Variants in PEF1 observed in about 807,000 individuals in gnomAD.
The protein encoded by PEF1 is penta-EF-hand domain containing 1.
Under a neutral mutation model 32.0 loss-of-function variants are expected in PEF1, and 17 were observed. The ratio of observed to expected loss-of-function variants is 0.53; its 90% confidence interval spans 0.36 to 0.80. The LOEUF (loss-of-function observed/expected upper bound fraction) is 0.80. Ranked by LOEUF, PEF1 falls within the 30% of genes least tolerant of loss-of-function variation. The pLI, the probability that PEF1 is intolerant of heterozygous loss-of-function variation, is 0.00. For synonymous variants in PEF1, 130 were observed against 139.8 expected (o/e 0.93, Z 0.50); for missense variants, 362 against 369.1 (o/e 0.98, Z 0.16).
chr1:31,638,345 A>G (rs1640310950), intron 1 of PEF1, among the ~76,000 whole-genome samples: 1 of 152,150 alleles, frequency 6.6e-6, no homozygotes, highest in South Asian at 2.1e-4. Flanking sequence ...ACTCCCTTGC[A>G]CCCAATGACT....
chr1:31,644,802 C>G, intron 1 of PEF1, 39 bp downstream of exon 1: 1 of 1,613,546 alleles, frequency 6.2e-7, no homozygotes, highest in Non-Finnish European at 8.5e-7. Context: ...GCGCCTGGCA[C>G]CGCCGCTACC....
chr1:31,636,810 A>G (rs976348734), intron 1 of PEF1, among the ~76,000 whole-genome samples: 1 of 152,176 alleles, frequency 6.6e-6, no homozygotes, highest in Non-Finnish European at 1.5e-5. Context: ...TGTCCAGGGC[A>G]TTTGTGCATT....
At chr1:31,640,341 G>A (rs1047810551) in intron 1 of PEF1, among the ~76,000 whole-genome samples, 1 of 152,162 alleles carries the variant, frequency 6.6e-6, no homozygotes, top group South Asian at 2.1e-4. Flanking sequence ...GCTAGAATGG[G>A]CAAGTTGGGA....
intron 2 of PEF1, 142 bp from the exon 3 acceptor site, chr1:31,633,456 T>G: frequency 1.1e-6 from 1 of 915,406 alleles, no homozygotes; most frequent in Non-Finnish European, 1.6e-6. Context: ...ATTCTTACTC[T>G]GATGGAAGAG....
At chr1:31,642,582 G>A (rs773601989) in intron 1 of PEF1, among the ~76,000 whole-genome samples, 1 of 152,080 alleles carries the variant, frequency 6.6e-6, no homozygotes, top group Non-Finnish European at 1.5e-5. Context: ...AAAACAACTC[G>A]TTTCCTTTCT....
At chr1:31,637,751 CCA>C (rs1268403522) in intron 1 of PEF1, among the ~76,000 whole-genome samples, 2 of 151,936 alleles carry the variant, frequency 1.3e-5, no homozygotes, top group Admixed American at 6.6e-5. Flanking sequence ...GGTGGGAGCT[CCA>C]GAGCCCCTAC....
chr1:31,632,068 G>A (rs1303967268), intron 4 of PEF1, among the ~76,000 whole-genome samples: 1 of 152,204 alleles, frequency 6.6e-6, no homozygotes, highest in Non-Finnish European at 1.5e-5. Context: ...CCCAAAAGTT[G>A]GGAAAGAAAC....
At chr1:31,641,059 C>G (rs1640379605) in intron 1 of PEF1, among the ~76,000 whole-genome samples, 1 of 152,144 alleles carries the variant, frequency 6.6e-6, no homozygotes, top group African/African-American at 2.4e-5. Flanking sequence ...AGCCAAGAAC[C>G]ATCCCCAGAC....
chr1:31,633,955 C>CA (rs397968805), intron 2 of PEF1, among the ~76,000 whole-genome samples: 3,440 of 103,596 alleles, frequency 0.033, 36 homozygotes, highest in African/African-American at 0.05. Flanking sequence ...AACTCCATCT[C>CA]AAAAAAAAAA....
At position 31,633,324 on chromosome 1, in the gene PEF1, G is replaced by C. The variant is rs1321211593; in HGVS notation, c.326-10C>G. 6.2e-7 allele frequency: 1 copy of C among 1,604,140 alleles called. No individual in the cohort carries two copies. The highest frequency in any genetic ancestry group is 2.2e-5 in the East Asian group (1 of 44,660). ...TTGGGAGGGGCGCCACCTGGAGGAAGGGGTGTGAAGGCCATCAACAGAAAT... is the reference window on the plus strand; with the variant it reads ...TTGGGAGGGGCGCCACCTGGAGGAACGGGTGTGAAGGCCATCAACAGAAAT... On this transcript the variant is annotated splice_polypyrimidine_tract_variant and intron_variant, in intron 2 of 4. Coordinates refer to ENST00000373703, the MANE Select transcript of PEF1 (RefSeq NM_012392.4).
intron 4 of PEF1, 103 bp downstream of exon 4, chr1:31,632,392 G>A: frequency 6.4e-7 from 1 of 1,573,512 alleles, no homozygotes; most frequent in Non-Finnish European, 8.7e-7. Flanking sequence ...TGTAGTGCAG[G>A]TGGACATTCG....
chr1:31,636,410 G>A (rs1640255573), intron 1 of PEF1, among the ~76,000 whole-genome samples: 1 of 152,086 alleles, frequency 6.6e-6, no homozygotes, highest in Non-Finnish European at 1.5e-5. Flanking sequence ...TGGGGAGGTC[G>A]AGGCTACAGT....
intron 1 of PEF1, among the ~76,000 whole-genome samples, chr1:31,636,737 C>G (rs1247456533): frequency 6.6e-6 from 1 of 152,196 alleles, no homozygotes; most frequent in Non-Finnish European, 1.5e-5. Context: ...GACTCAAGTC[C>G]AGGAAAGTCA....
At chr1:31,642,656 T>G (rs1236418871) in intron 1 of PEF1, among the ~76,000 whole-genome samples, 1 of 152,166 alleles carries the variant, frequency 6.6e-6, no homozygotes, top group Non-Finnish European at 1.5e-5. Context: ...CATTTCTTTT[T>G]CTATTCCAGA....
chr1:31,639,588 C>G (rs557944880), intron 1 of PEF1, among the ~76,000 whole-genome samples: 1 of 152,274 alleles, frequency 6.6e-6, no homozygotes, highest in Admixed American at 6.5e-5. Flanking sequence ...GAGAAGTAAC[C>G]AGCGGCGGTG....
rs1407163181 is a variant in PEF1, at chr1:31,635,456, TG to T, written c.90del (p.Asn31IlefsTer106). ...APPGSYYPGPPNSGGQYGSGL... is the reference protein window; with the variant it reads ...APPGSYYPGPXNSGGQYGSGL... ...CCACTACCATACTGCCCTCCACTAT[TG>T]GGGGGTCCAGGGTAGTAGCTACCCG... is the stretch of plus-strand genomic sequence containing the variant. On this transcript the variant is annotated frameshift_variant, in exon 2 of 5. Coordinates refer to ENST00000373703, the MANE Select transcript of PEF1 (RefSeq NM_012392.4). LOFTEE classifies it high-confidence loss of function. 6.3e-7 allele frequency: 1 copy of T among 1,595,330 alleles called. No homozygotes were observed. Among genetic ancestry groups the T allele is most frequent in the Non-Finnish European group, 8.6e-7 (1 of 1,168,900 alleles).
rs767054971 is a variant in PEF1, at chr1:31,635,293, G to T, written c.254C>A (p.Ala85Asp). The change falls in exon 2 of 5, where the codon GCT (alanine) becomes GAT (aspartate). Residue 85 changes from alanine (A) to aspartate (D), a missense_variant. Physicochemically the swap from Ala to Asp is moderately radical, Grantham distance 126 (BLOSUM62 -2). Coordinates refer to ENST00000373703, the MANE Select transcript of PEF1 (RefSeq NM_012392.4). ...TGGCTGACCATAGGGGCCCCCGGGA[G>T]CTGCACCGCCATATGGTCCTCCTGG... The part of the protein sequence containing the change: ...GTPGGPYGGA[A>D]PGGPYGQPPP... The T allele has an allele frequency of 2.5e-6, 4 of 1,614,038 alleles. No individual in the cohort carries two copies. In the African/African-American group the frequency reaches 5.3e-5, roughly 22 times the overall value.
rs139182246 is a variant in PEF1 at position 31,631,121 on chromosome 1, C to T, written c.626-279G>A. On this transcript the variant is annotated intron_variant, in intron 4 of 4. Transcript: ENST00000373703. The stretch of plus-strand genomic sequence containing the variant: ...GCTCAGGGGATTGCAGAGACGACAA[C>T]GGACTATCCGCAATCATCTCTGATT... Among the ~76,000 whole-genome samples, 641 of 152,294 alleles carry T rather than the reference C, an allele frequency of 4.2e-3. 1 individual carries two copies. Among genetic ancestry groups the T allele is most frequent in the Middle Eastern group, 6.8e-3 (2 of 294 alleles).
At chr1:31,637,779 C>G (rs1219631274) in intron 1 of PEF1, among the ~76,000 whole-genome samples, 1 of 152,114 alleles carries the variant, frequency 6.6e-6, no homozygotes, top group Admixed American at 6.6e-5. Context: ...GGAACCCCCT[C>G]CCTTGCTACA....
Sources: gnomAD v4.1 joint callset for allele counts (sites outside exome capture counted in the v4.1 genomes callset) on GRCh38, gnomAD v4.1.1 for gene constraint, MANE v1.5 for transcripts, NCBI Gene and HGNC (gene_info 2026-07-23, HGNC 2026-07-21) for gene names.